Variants in CSPP1 observed in about 807,000 individuals in gnomAD.
CSPP1 encodes centrosome and spindle pole-associated protein 1.
CSPP1 carries 126 observed loss-of-function variants against 164.4 expected under a neutral mutation model. The ratio of observed to expected loss-of-function variants is 0.77; its 90% CI spans 0.66 to 0.89. The LOEUF is 0.89. Ranked by LOEUF, CSPP1 falls within the 40% of genes least tolerant of loss-of-function variation. The pLI is 0.00. For missense variants in CSPP1, 1,395 were observed against 1,449.8 expected (o/e 0.96, Z 0.61); for synonymous variants, 472 against 476.7 (o/e 0.99, Z 0.13).
At chr8:67,161,715 A>T in intron 21 of CSPP1, 96 bp from the exon 22 acceptor site, 1 of 632,230 alleles carries the variant, frequency 1.6e-6, no homozygotes, top group Non-Finnish European at 2.8e-6. Flanking sequence ...TAAACTTCTT[A>T]GATGACTTTC....
At chr8:67,093,068 A>G (rs1010029428) in intron 5 of CSPP1, among the ~76,000 whole-genome samples, 1 of 152,116 alleles carries the variant, frequency 6.6e-6, no homozygotes, top group Non-Finnish European at 1.5e-5. Flanking sequence ...GGCAAACACA[A>G]TCATCATATT....
At chr8:67,146,263 A>G (rs553977481) in intron 17 of CSPP1, among the ~76,000 whole-genome samples, 1 of 151,860 alleles carries the variant, frequency 6.6e-6, no homozygotes, top group South Asian at 2.1e-4. Flanking sequence ...AGCAAGGACT[A>G]CAGACACATG....
chr8:67,112,975 G>T (rs892729805), intron 10 of CSPP1, among the ~76,000 whole-genome samples: 2 of 152,190 alleles, frequency 1.3e-5, no homozygotes, highest in Non-Finnish European at 2.9e-5. Context: ...AGAAATTACA[G>T]TGGATCACGC....
rs1817499023 is a variant in CSPP1, at chr8:67,114,349, A to G, written c.1266A>G (p.Ser422=). ...TTAAGTGGAATGAATTACTCACATC[A>G]TTGCAGTTAAGTAAGGAGGAGGTAA... ...PEKSWNELLT[S]LQLSKEEPDR... The change falls in exon 12 of 31, where the codon TCA becomes TCG. Residue 422 remains serine, a synonymous_variant. Coordinates refer to ENST00000678616, the MANE Select transcript of CSPP1 (RefSeq NM_001382391.1). 1 of 152,646 alleles carries G rather than the reference A, an allele frequency of 6.6e-6. No individual in the cohort carries two copies. The highest frequency in any genetic ancestry group is 1.5e-5 in the Non-Finnish European group (1 of 68,042). The allele number at this position is 152,646 out of a possible 1,614,324, so 9.5% of individuals were successfully genotyped here.
At chr8:67,192,914 G>T (rs190172740) in intron 29 of CSPP1, among the ~76,000 whole-genome samples, 1 of 152,258 alleles carries the variant, frequency 6.6e-6, no homozygotes, top group East Asian at 1.9e-4. Flanking sequence ...TGCTGCTTCA[G>T]TTTTTTCCTT....
At chr8:67,067,267 T>C (rs1441293602) in intron 1 of CSPP1, among the ~76,000 whole-genome samples, 1 of 152,200 alleles carries the variant, frequency 6.6e-6, no homozygotes, top group Non-Finnish European at 1.5e-5. Flanking sequence ...CTGGGTTCTG[T>C]TTGTTTATTG....
rs1367122233 is a variant in CSPP1, at chr8:67,105,899, C to T, written c.1023-6C>T. On this transcript the variant is annotated splice_region_variant and splice_polypyrimidine_tract_variant and intron_variant, in intron 8 of 30. Transcript: ENST00000678616. ...TTACTCTTTTTCTCTGTCTTTTTTT[C>T]TTTAGTGCTCCAGACAATGAAACAT... 3.3e-6 allele frequency: 5 copies of T among 1,502,484 alleles called. No individual in the cohort carries two copies. Among genetic ancestry groups the T allele is most frequent in the African/African-American group, 2.8e-5 (2 of 72,414 alleles). The allele number at this position is 1,502,484 out of a possible 1,614,324, so 93.1% of individuals were successfully genotyped here. A position where few individuals can be genotyped will look rare whatever the true frequency, so the allele number is the denominator to read the frequency against.
chr8:67,148,326 G>A (rs560916687), intron 17 of CSPP1, among the ~76,000 whole-genome samples: 2 of 152,252 alleles, frequency 1.3e-5, no homozygotes, highest in East Asian at 3.9e-4. Flanking sequence ...TTGAAGAATA[G>A]GTATCCATTC....
chr8:67,071,935 A>G (rs1806871733), intron 1 of CSPP1, among the ~76,000 whole-genome samples: 1 of 152,354 alleles, frequency 6.6e-6, no homozygotes, highest in Admixed American at 6.5e-5. Flanking sequence ...AGAAAAAACT[A>G]AAAACTTCTA....
intron 22 of CSPP1, among the ~76,000 whole-genome samples, chr8:67,162,938 G>A (rs1041916614): frequency 1.3e-5 from 2 of 152,140 alleles, no homozygotes; most frequent in Non-Finnish European, 2.9e-5. Flanking sequence ...AGTTCTGGAC[G>A]CCATCAACAT....
chr8:67,165,411 A>G (rs1484372996), intron 24 of CSPP1, among the ~76,000 whole-genome samples: 1 of 152,226 alleles, frequency 6.6e-6, no homozygotes, highest in African/African-American at 2.4e-5. Context: ...GAACATTACT[A>G]TGAACTAAAT....
chr8:67,155,359 T>G (rs1256027367), intron 19 of CSPP1, among the ~76,000 whole-genome samples: 2 of 152,228 alleles, frequency 1.3e-5, no homozygotes, highest in Non-Finnish European at 2.9e-5. Flanking sequence ...AGAAATTATC[T>G]CAACTCTTGA....
chr8:67,111,274 G>A (rs769869248), intron 9 of CSPP1, among the ~76,000 whole-genome samples: 6 of 152,102 alleles, frequency 3.9e-5, no homozygotes, highest in Non-Finnish European at 7.4e-5. Flanking sequence ...GAATACCAAG[G>A]TGAGAGGTTT....
At chr8:67,108,410 A>AG (rs897539226) in intron 9 of CSPP1, among the ~76,000 whole-genome samples, 1 of 152,024 alleles carries the variant, frequency 6.6e-6, no homozygotes, top group African/African-American at 2.4e-5. Flanking sequence ...TCAAAAAAAA[A>AG]AAAAAAGAGT....
At chr8:67,114,933 A>G (rs1306292077) in intron 12 of CSPP1, 2 of 152,234 alleles carry the variant, frequency 1.3e-5, no homozygotes, top group Non-Finnish European at 2.9e-5. Flanking sequence ...TTTGATGTGC[A>G]AATCTTAGAA....
rs60225155 is a variant in CSPP1 at position 67,196,048 on chromosome 8, TATTA to T, written c.*464_*467del. 0.098 allele frequency: 15,104 copies of T among 154,708 alleles called. 1,663 individuals are homozygous for T. Among genetic ancestry groups the T allele is most frequent in the African/African-American group, 0.27 (11,232 of 41,404 alleles). The allele number at this position is 154,708 out of a possible 1,614,324, so 9.6% of individuals were successfully genotyped here. ...TTCTGTGTGATGCAATCAAATGTCC[TATTA>T]ATTAATTATTATTTCATGTCATTTG... On this transcript the variant is annotated 3_prime_UTR_variant, in exon 31 of 31. Coordinates refer to ENST00000678616, the MANE Select transcript of CSPP1 (RefSeq NM_001382391.1).
intron 24 of CSPP1, among the ~76,000 whole-genome samples, chr8:67,171,888 C>T (rs571058549): frequency 6.7e-6 from 1 of 149,192 alleles, no homozygotes; most frequent in Non-Finnish European, 1.5e-5. Context: ...TGCTCTGTCA[C>T]CCAGGCCGGA....
At chr8:67,081,267 G>A (rs778220518) in intron 3 of CSPP1, among the ~76,000 whole-genome samples, 23 of 132,568 alleles carry the variant, frequency 1.7e-4, no homozygotes, top group Non-Finnish European at 3.1e-4. Context: ...GTGGTCCAAG[G>A]TGTCCACTGT....
rs1239704952 is a variant in CSPP1, at chr8:67,190,653, C to T, written c.3224C>T (p.Ala1075Val). 3 of 1,613,488 alleles carry T rather than the reference C, an allele frequency of 1.9e-6. No individual in the cohort carries two copies. In the Admixed American group the frequency reaches 5.0e-5, roughly 27 times the overall value. Residue 1075 changes from alanine (A) to valine (V), a missense_variant, in exon 29 of 31, where the codon GCT becomes GTT. Transcript: ENST00000678616. Reference protein sequence around the residue: ...LLESDSAFIGAYGETYPAIED... With the variant: ...LLESDSAFIGVYGETYPAIED... ...CTGCTTTTCGGGGTCCTCTTAGGGG[C>T]TTACGGTGAGACATATCCTGCCATT...
Sources: allele counts gnomAD v4.1 joint callset (sites outside exome capture counted in the v4.1 genomes callset), GRCh38; gene constraint gnomAD v4.1.1; transcripts MANE v1.5; gene names NCBI Gene and HGNC (gene_info 2026-07-23, HGNC 2026-07-21).